Variants in DYNC2I1 observed in about 807,000 individuals in gnomAD.
DYNC2I1 encodes the protein cytoplasmic dynein 2 intermediate chain 1.
A neutral mutation model predicts 133.4 loss-of-function variants in DYNC2I1; 89 were observed. That is an observed-to-expected ratio of 0.67 (90% CI 0.56 to 0.80). DYNC2I1 has a LOEUF of 0.80. Ranked by LOEUF, DYNC2I1 falls within the 30% of genes least tolerant of loss-of-function variation. DYNC2I1 has a pLI of 0.00. For synonymous variants in DYNC2I1, 504 were observed against 484.3 expected (o/e 1.04, Z -0.54); for missense variants, 1,291 against 1,314.5 (o/e 0.98, Z 0.28).
At chr7:158,869,827 CA>C in intron 1 of DYNC2I1, 27 bp from the exon 2 acceptor site, 1 of 1,584,140 alleles carries the variant, frequency 6.3e-7, no homozygotes, top group Non-Finnish European at 8.6e-7. Flanking sequence ...TTATTTTAAA[CA>C]TTCTAACTTT....
intron 15 of DYNC2I1, among the ~76,000 whole-genome samples, chr7:158,921,930 C>T (rs1256343761): frequency 2.0e-5 from 3 of 152,156 alleles, no homozygotes; most frequent in African/African-American, 7.2e-5. Flanking sequence ...GGAGCAGTGT[C>T]TGGAACGGCG....
At chr7:158,923,296 C>T (rs1044359670) in intron 16 of DYNC2I1, among the ~76,000 whole-genome samples, 4 of 152,140 alleles carry the variant, frequency 2.6e-5, no homozygotes, top group Non-Finnish European at 5.9e-5. Flanking sequence ...GACAGGCTCC[C>T]GGCAGGCTTT....
Position 158,911,572 on chromosome 7 carries a change from C to T in DYNC2I1, c.1483C>T (p.Arg495Trp), listed in dbSNP as rs771932685. The stretch of plus-strand genomic sequence containing the variant: ...AAGGATGCGAAGTACAAAACTGCTT[C>T]GGCTCATTGACTTAGATTTTTCATT... ...KQKMRSTKLL[R>W]LIDLDFSFTF... The change falls in exon 12 of 25, where the codon CGG (arginine) becomes TGG (tryptophan). Residue 495 changes from arginine to tryptophan, a missense_variant. Physicochemically the swap from Arg to Trp is moderately radical, Grantham distance 101 (BLOSUM62 -3). Coordinates refer to ENST00000407559, the MANE Select transcript of DYNC2I1 (RefSeq NM_018051.5). 5.0e-6 allele frequency: 8 copies of T among 1,613,326 alleles called. No homozygotes were observed. The African/African-American group carries it at 6.7e-5, about 13-fold the overall frequency.
At chr7:158,914,935 G>C (rs1205027969) in intron 14 of DYNC2I1, among the ~76,000 whole-genome samples, 1 of 152,228 alleles carries the variant, frequency 6.6e-6, no homozygotes, top group Non-Finnish European at 1.5e-5. Flanking sequence ...TTATAATGCA[G>C]TCAGATATGA....
chr7:158,934,300 G>A, intron 22 of DYNC2I1, 72 bp downstream of exon 22: 1 of 1,531,980 alleles, frequency 6.5e-7, no homozygotes, highest in Non-Finnish European at 8.7e-7. Context: ...TAAATATCTT[G>A]ATTTAGGATT....
intron 10 of DYNC2I1, chr7:158,903,877 G>A (rs1229649538): frequency 6.6e-6 from 1 of 152,180 alleles, no homozygotes; most frequent in Non-Finnish European, 1.5e-5. Flanking sequence ...TTTATGCTTA[G>A]TGTTATATCT....
intron 1 of DYNC2I1, among the ~76,000 whole-genome samples, chr7:158,858,517 G>A (rs1841531084): frequency 6.6e-6 from 1 of 152,024 alleles, no homozygotes; most frequent in South Asian, 2.1e-4. Flanking sequence ...TATTTGCCCT[G>A]TTTTTTTAGT....
At chr7:158,853,777 C>G (rs1293453039), upstream of DYNC2I1, among the ~76,000 whole-genome samples, 1 of 151,942 alleles carries the variant, frequency 6.6e-6, no homozygotes, top group Admixed American at 6.6e-5. Flanking sequence ...GCCTCAGCCC[C>G]CAAGTAGCTG....
At chr7:158,861,738 A>C (rs1841885473) in intron 1 of DYNC2I1, among the ~76,000 whole-genome samples, 1 of 152,212 alleles carries the variant, frequency 6.6e-6, no homozygotes, top group Non-Finnish European at 1.5e-5. Flanking sequence ...TGTTAGAAGC[A>C]GCCTGTGTGG....
At chr7:158,857,213 C>T (rs574761874) in intron 1 of DYNC2I1, among the ~76,000 whole-genome samples, 90 of 152,298 alleles carry the variant, frequency 5.9e-4, no homozygotes, top group African/African-American at 2.1e-3. Flanking sequence ...CTTGTATGAC[C>T]TTGGCAAACT....
the DYNC2I1 span, among the ~76,000 whole-genome samples, chr7:158,841,871 A>C: frequency 6.6e-6 from 1 of 152,144 alleles, no homozygotes; most frequent in African/African-American, 2.4e-5. Flanking sequence ...TGTCTGCTGG[A>C]GTGGGGAAGA....
chr7:158,941,335 C>T (rs567920507), intron 23 of DYNC2I1, among the ~76,000 whole-genome samples: 1 of 152,230 alleles, frequency 6.6e-6, no homozygotes, highest in Non-Finnish European at 1.5e-5. Context: ...CTTAATGGCC[C>T]ATATTTGAAT....
Position 158,945,455 on chromosome 7 carries a change from T to C in DYNC2I1, c.3003-126T>C. On this transcript the variant is annotated intron_variant, in intron 24 of 24. Coordinates refer to ENST00000407559, the MANE Select transcript of DYNC2I1 (RefSeq NM_018051.5). The surrounding 1 kb of genome is among the most constrained non-coding windows in gnomAD (Gnocchi z 4.1). ...TCTGGTCTAGCTTTCATTTTGGCTA[T>C]TGGTATTTTTAGAATTTCTCATCCG... 9.4e-7 allele frequency: 1 copy of C among 1,063,994 alleles called. No individual in the cohort carries two copies. Among genetic ancestry groups the C allele is most frequent in the South Asian group, 1.7e-5 (1 of 60,356 alleles). The allele number at this position is 1,063,994 out of a possible 1,614,324, so 65.9% of individuals were successfully genotyped here. A position where few individuals can be genotyped will look rare whatever the true frequency, so the allele number is the denominator to read the frequency against.
intron 8 of DYNC2I1, among the ~76,000 whole-genome samples, chr7:158,897,639 C>T (rs936005182): frequency 2.0e-5 from 3 of 151,914 alleles, no homozygotes; most frequent in South Asian, 4.1e-4. Flanking sequence ...CTTTTTTTTC[C>T]TTAGTTAGCT....
chr7:158,891,203 G>A (rs1389041352), intron 7 of DYNC2I1, 62 bp from the exon 8 acceptor site: 19 of 1,587,130 alleles, frequency 1.2e-5, no homozygotes, highest in East Asian at 1.1e-4. Context: ...GGGGAGCTGC[G>A]TGGCGTGTGC....
rs1847487772 is a variant in DYNC2I1 at position 158,911,621 on chromosome 7, C to T, written c.1532C>T (p.Pro511Leu). ...FSFTFSLLDL[P>L]PVNEYDMYIR... ...TTTACTTTCTCTCTCTTGGATCTAC[C>T]ACCAGTAAATGAATATGACATGTAT... Residue 511 changes from proline to leucine, a missense_variant, in exon 12 of 25, where the codon CCA (proline) becomes CTA (leucine). Physicochemically the swap from Pro to Leu is moderately conservative, Grantham distance 98. Coordinates refer to ENST00000407559, the MANE Select transcript of DYNC2I1 (RefSeq NM_018051.5). 2 of 1,613,230 alleles carry T rather than the reference C, an allele frequency of 1.2e-6. No individual in the cohort carries two copies. Among genetic ancestry groups the T allele is most frequent in the South Asian group, 1.1e-5 (1 of 90,982 alleles).
chr7:158,890,625 T>G (rs1432381966), intron 7 of DYNC2I1, among the ~76,000 whole-genome samples: 1 of 151,972 alleles, frequency 6.6e-6, no homozygotes, highest in African/African-American at 2.4e-5. Flanking sequence ...GAGACTGAGT[T>G]TCGCTCTTGT....
chr7:158,881,128 C>T (rs1044572520), intron 5 of DYNC2I1, among the ~76,000 whole-genome samples: 2 of 152,250 alleles, frequency 1.3e-5, no homozygotes, highest in Non-Finnish European at 2.9e-5. Context: ...GTGTTAGGAG[C>T]AGAAGCTGCC....
intron 23 of DYNC2I1, among the ~76,000 whole-genome samples, chr7:158,935,391 G>C (rs1409323874): frequency 5.3e-5 from 8 of 152,212 alleles, no homozygotes; most frequent in Non-Finnish European, 1.5e-5. Context: ...CTTTATACGT[G>C]ATTAAATGTG....
Sources: gnomAD v4.1 joint callset for allele counts (sites outside exome capture counted in the v4.1 genomes callset) on GRCh38, gnomAD v4.1.1 for gene constraint, Gnocchi (gnomAD v3.1) non-coding constraint, MANE v1.5 for transcripts, NCBI Gene and HGNC (gene_info 2026-07-23, HGNC 2026-07-21) for gene names.